GRID2: variants seen among roughly 807,000 people sequenced by gnomAD.
The protein encoded by GRID2 is glutamate receptor ionotropic, delta-2.
GRID2 carries 33 observed loss-of-function variants against 114.8 expected under a neutral mutation model. That is an observed-to-expected ratio of 0.29 (90% CI 0.22 to 0.38). The LOEUF (loss-of-function observed/expected upper bound fraction) is 0.38. Among genes scored for constraint, GRID2 ranks in the 10% least tolerant of loss-of-function variants. The pLI is 1.00. For synonymous variants in GRID2, 505 were observed against 449.9 expected (o/e 1.12, Z -1.55); for missense variants, 1,184 against 1,257.7 (o/e 0.94, Z 0.89).
rs182986562 is a variant in GRID2 at position 93,798,834 on chromosome 4, G to C, written c.222-7881G>C. ...AACTGGACCAGGAGGCCAGAGCCCT[G>C]GGTTTGTTATGTGGCAACCATTGGT... On this transcript the variant is annotated intron_variant, in intron 1 of 1. Coordinates refer to the GRID2 transcript ENST00000637838. 2.1e-3 allele frequency among the ~76,000 whole-genome samples: 315 copies of C among 152,272 alleles called. 3 individuals are homozygous for C. The highest frequency in any genetic ancestry group is 7.2e-3 in the African/African-American group (299 of 41,548).
At chr4:92,956,240 C>T (rs1252807315) in intron 2 of GRID2, among the ~76,000 whole-genome samples, 1 of 152,114 alleles carries the variant, frequency 6.6e-6, no homozygotes, top group Non-Finnish European at 1.5e-5. Flanking sequence ...ACATCATTAC[C>T]AACCCGGGTT....
At position 92,967,275 on chromosome 4, in the gene GRID2, T is replaced by A. The variant is rs577693585; in HGVS notation, c.245-117720T>A. Among the ~76,000 whole-genome samples the A allele has an allele frequency of 3.9e-5, 6 of 152,020 alleles. No individual in the cohort carries two copies. In the South Asian group the frequency reaches 1.2e-3, roughly 32 times the overall value. On this transcript the variant is annotated intron_variant, in intron 2 of 15. Transcript: ENST00000282020. ...CTGGATTGATTTTATATCACAGAAATCAACCTTTCAAATAATTATGAAACA... is the reference window on the plus strand; with the variant it reads ...CTGGATTGATTTTATATCACAGAAAACAACCTTTCAAATAATTATGAAACA...
chr4:93,450,752 CT>C (rs1722612097), intron 10 of GRID2, among the ~76,000 whole-genome samples: 1 of 151,458 alleles, frequency 6.6e-6, no homozygotes, highest in Admixed American at 6.6e-5. Context: ...AGTTTTAGTG[CT>C]AGTCCTAATC....
In GRID2 at chr4:93,799,358, T is replaced by C. The variant is rs187697599; in HGVS notation, c.222-7357T>C. 3.8e-3 allele frequency among the ~76,000 whole-genome samples: 584 copies of C among 152,078 alleles called. 4 individuals are homozygous for C. Among genetic ancestry groups the C allele is most frequent in the African/African-American group, 0.013 (550 of 41,486 alleles). On this transcript the variant is annotated intron_variant, in intron 1 of 1. Coordinates refer to the GRID2 transcript ENST00000637838. The stretch of plus-strand genomic sequence containing the variant: ...CTCCAAGACTGCTTCTTTTGTAAAA[T>C]GAGAGATTTGGAATAGATACTCCCT...
At chr4:92,363,588 A>G (rs1348975697) in intron 1 of GRID2, among the ~76,000 whole-genome samples, 1 of 151,978 alleles carries the variant, frequency 6.6e-6, no homozygotes, top group Non-Finnish European at 1.5e-5. Context: ...ATTTACGGTG[A>G]TTCATTTTTT....
At chr4:93,650,476 T>C (rs10014340) in intron 14 of GRID2, among the ~76,000 whole-genome samples, 69,186 of 151,884 alleles carry the variant, frequency 0.46, 17,226 homozygotes, top group African/African-American at 0.66. Context: ...GAATGCATAT[T>C]CCTTACTCAA....
intron 8 of GRID2, among the ~76,000 whole-genome samples, chr4:93,279,818 C>T (rs1752466745): frequency 2.6e-5 from 4 of 151,840 alleles, no homozygotes; most frequent in Admixed American, 2.6e-4. Context: ...AAATTTAGGG[C>T]TCTGTGATAC....
intron 2 of GRID2, among the ~76,000 whole-genome samples, chr4:92,688,066 T>TTTTTTTG (rs1352613092): frequency 3.7e-5 from 5 of 134,956 alleles, no homozygotes; most frequent in African/African-American, 1.5e-4. Context: ...TTTTTTTTTT[T>TTTTTTTG]GGGATGGAGT....
At chr4:93,440,311 G>T (rs1310064329) in intron 10 of GRID2, among the ~76,000 whole-genome samples, 1 of 151,992 alleles carries the variant, frequency 6.6e-6, no homozygotes, top group Non-Finnish European at 1.5e-5. Context: ...ATGCTTGCAG[G>T]CCTTGTGAAA....
chr4:93,103,947 A>G (rs1335632159), intron 3 of GRID2, among the ~76,000 whole-genome samples: 2 of 142,478 alleles, frequency 1.4e-5, no homozygotes, highest in African/African-American at 5.2e-5. Context: ...CTTTTACTTT[A>G]GGTACAAGGG....
chr4:92,345,072 A>G (rs760886328), intron 1 of GRID2, among the ~76,000 whole-genome samples: 2 of 152,190 alleles, frequency 1.3e-5, no homozygotes, highest in Non-Finnish European at 2.9e-5. Flanking sequence ...AAAGTCCATT[A>G]TATTATTCTT....
chr4:92,867,703 A>C (rs1018616573), intron 2 of GRID2, among the ~76,000 whole-genome samples: 3 of 152,000 alleles, frequency 2.0e-5, no homozygotes, highest in Non-Finnish European at 4.4e-5. Flanking sequence ...AATTCCTATG[A>C]TCTGCATTCC....
In GRID2 at chr4:93,612,680, C is replaced by T. The variant is rs780141485; in HGVS notation, c.2194-13589C>T. Among the ~76,000 whole-genome samples the T allele has an allele frequency of 7.3e-3, 759 of 104,252 alleles. 42 individuals are homozygous for T. Among genetic ancestry groups the T allele is most frequent in the Non-Finnish European group, 0.012 (584 of 48,812 alleles). The allele number at this position is 104,252 out of a possible 152,430, so 68.4% of individuals were successfully genotyped here. On this transcript the variant is annotated intron_variant, in intron 13 of 15. Coordinates refer to ENST00000282020, the MANE Select transcript of GRID2 (RefSeq NM_001510.4). ...CTTGTAGGGTTTCTGCCAAGAGATC[C>T]GCTGTTAGTCTGATGGGCTTCCCTT...
chr4:93,162,721 G>C (rs566701646), intron 4 of GRID2, among the ~76,000 whole-genome samples: 1 of 151,972 alleles, frequency 6.6e-6, no homozygotes, highest in Non-Finnish European at 1.5e-5. Context: ...ATCTGGAGAA[G>C]GGTATCCTAG....
intron 2 of GRID2, among the ~76,000 whole-genome samples, chr4:92,658,804 TATA>T (rs1258256228): frequency 8.1e-6 from 1 of 122,866 alleles, no homozygotes; most frequent in African/African-American, 3.2e-5. Context: ...TATATATATA[TATA>T]TATATATATA....
At chr4:92,916,822 C>A (rs1222697287) in intron 2 of GRID2, among the ~76,000 whole-genome samples, 1 of 151,750 alleles carries the variant, frequency 6.6e-6, no homozygotes, top group Non-Finnish European at 1.5e-5. Flanking sequence ...ATAAACATAG[C>A]TGTGTGTGTG....
At chr4:92,620,494 C>T (rs1465437114) in intron 2 of GRID2, among the ~76,000 whole-genome samples, 2 of 151,616 alleles carry the variant, frequency 1.3e-5, no homozygotes, top group Non-Finnish European at 2.9e-5. Flanking sequence ...TCAAAGAACG[C>T]TTCTAGCATT....
chr4:93,458,747 T>C (rs1242441253), intron 11 of GRID2, among the ~76,000 whole-genome samples: 2 of 152,104 alleles, frequency 1.3e-5, no homozygotes, highest in Non-Finnish European at 2.9e-5. Flanking sequence ...CGGCAGATAA[T>C]TGACATATGT....
chr4:93,511,308 C>T (rs989140433), intron 12 of GRID2, among the ~76,000 whole-genome samples: 1 of 152,142 alleles, frequency 6.6e-6, no homozygotes, highest in Non-Finnish European at 1.5e-5. Flanking sequence ...CCTAAAGCCA[C>T]TCAAATTTTA....
Sources: allele counts gnomAD v4.1 joint callset (sites outside exome capture counted in the v4.1 genomes callset), GRCh38; gene constraint gnomAD v4.1.1; transcripts MANE v1.5; gene names NCBI Gene and HGNC (gene_info 2026-07-23, HGNC 2026-07-21).